KCNH7: variants seen among roughly 807,000 people sequenced by gnomAD.
KCNH7 encodes the protein potassium voltage-gated channel subfamily H member 7.
Under a neutral mutation model 120.8 loss-of-function variants are expected in KCNH7, and 49 were observed. The observed-to-expected ratio is 0.41, with a 90% CI of 0.32 to 0.51. The LOEUF is 0.51. Ranked by LOEUF, KCNH7 falls within the 20% of genes least tolerant of loss-of-function variation. The pLI, the probability that KCNH7 is intolerant of heterozygous loss-of-function variation, is 0.38. For missense variants in KCNH7, 1,097 were observed against 1,446.6 expected (o/e 0.76, Z 3.92); for synonymous variants, 547 against 516.1 (o/e 1.06, Z -0.81).
chr2:162,433,239 A>G (rs1352329074), intron 8 of KCNH7, among the ~76,000 whole-genome samples: 1 of 152,138 alleles, frequency 6.6e-6, no homozygotes, highest in Non-Finnish European at 1.5e-5. Context: ...TATTCCTACC[A>G]AACTACCAAT....
At chr2:162,512,940 A>C (rs920487987) in intron 4 of KCNH7, among the ~76,000 whole-genome samples, 6 of 151,852 alleles carry the variant, frequency 4.0e-5, no homozygotes, top group Non-Finnish European at 7.4e-5. Flanking sequence ...AGATTTTATA[A>C]TTATGACAGT....
intron 6 of KCNH7, among the ~76,000 whole-genome samples, chr2:162,458,632 A>G (rs1689050854): frequency 6.6e-6 from 1 of 152,206 alleles, no homozygotes; most frequent in Admixed American, 6.5e-5. Context: ...TAAGAGAAGG[A>G]ACACTTAGCA....
At chr2:162,838,403 G>A (rs375196305) in intron 1 of KCNH7, 40 bp downstream of exon 1, 13 of 1,541,558 alleles carry the variant, frequency 8.4e-6, no homozygotes, top group Middle Eastern at 1.7e-4. Context: ...CACTAACAAG[G>A]CAGAAAGCGA....
At chr2:162,687,678 A>G (rs1047925076) in intron 2 of KCNH7, among the ~76,000 whole-genome samples, 4 of 152,136 alleles carry the variant, frequency 2.6e-5, no homozygotes, top group African/African-American at 9.7e-5. Flanking sequence ...ATTGCTTGTT[A>G]GATATTTATT....
intron 2 of KCNH7, among the ~76,000 whole-genome samples, chr2:162,808,101 G>A (rs992436992): frequency 1.3e-5 from 2 of 152,112 alleles, no homozygotes; most frequent in African/African-American, 4.8e-5. Context: ...TATATAAAAT[G>A]GCATGATATT....
chr2:162,722,068 C>T (rs966837990), intron 2 of KCNH7, among the ~76,000 whole-genome samples: 9 of 151,874 alleles, frequency 5.9e-5, no homozygotes, highest in African/African-American at 1.5e-4. Flanking sequence ...TTCACTAGTA[C>T]GTATTACTAG....
chr2:162,657,796 A>G (rs1383651891), intron 2 of KCNH7, among the ~76,000 whole-genome samples: 1 of 152,140 alleles, frequency 6.6e-6, no homozygotes, highest in Non-Finnish European at 1.5e-5. Flanking sequence ...ATTTAGGTTT[A>G]CGATCTCCAC....
At chr2:162,480,657 A>T (rs1349329926) in intron 6 of KCNH7, among the ~76,000 whole-genome samples, 1 of 152,122 alleles carries the variant, frequency 6.6e-6, no homozygotes, top group Non-Finnish European at 1.5e-5. Context: ...TTTTATTATG[A>T]TGGGAACTGA....
intron 2 of KCNH7, among the ~76,000 whole-genome samples, chr2:162,588,294 TTA>T (rs1433118214): frequency 1.3e-5 from 2 of 152,146 alleles, no homozygotes; most frequent in Non-Finnish European, 2.9e-5. Flanking sequence ...AATTCAATTT[TTA>T]TGTTATCTTC....
chr2:162,701,696 C>T (rs1340642259), intron 2 of KCNH7, among the ~76,000 whole-genome samples: 8 of 152,074 alleles, frequency 5.3e-5, no homozygotes, highest in African/African-American at 1.7e-4. Flanking sequence ...ACTTTATAAA[C>T]ATTTAAGAGC....
intron 2 of KCNH7, among the ~76,000 whole-genome samples, chr2:162,829,792 C>T (rs1156503603): frequency 7.1e-6 from 1 of 140,960 alleles, no homozygotes; most frequent in Non-Finnish European, 1.5e-5. Context: ...AAAAAAAAAA[C>T]AAAGCATTAC....
At chr2:162,789,311 C>A (rs535745958) in intron 2 of KCNH7, among the ~76,000 whole-genome samples, 2 of 151,970 alleles carry the variant, frequency 1.3e-5, no homozygotes, top group East Asian at 1.9e-4. Flanking sequence ...TGGCCATCAT[C>A]ATTTGCTAAT....
chr2:162,615,456 C>G (rs1461812070), intron 2 of KCNH7, among the ~76,000 whole-genome samples: 1 of 152,134 alleles, frequency 6.6e-6, no homozygotes, highest in Non-Finnish European at 1.5e-5. Context: ...CAACTTAAAT[C>G]TAGCTAAGAT....
chr2:162,423,232 A>C (rs1199756614), intron 9 of KCNH7, 104 bp downstream of exon 9: 1 of 1,597,832 alleles, frequency 6.3e-7, no homozygotes, highest in East Asian at 2.2e-5. Context: ...GAGAGAAGAA[A>C]ACAAAAGCAA....
rs545649288 is a variant in KCNH7, at chr2:162,455,883, G to T, written c.1129-9440C>A. ...TCTATTTTGTTAATCCTTTCAAAAA[G>T]CCGGCTCCTGAATTCATTGATTTTT... On this transcript the variant is annotated intron_variant, in intron 6 of 15. Coordinates refer to ENST00000332142, the MANE Select transcript of KCNH7 (RefSeq NM_033272.4). 4.0e-5 allele frequency among the ~76,000 whole-genome samples: 6 copies of T among 151,834 alleles called. No homozygotes were observed. The South Asian group carries it at 8.3e-4, about 21-fold the overall frequency.
intron 2 of KCNH7, among the ~76,000 whole-genome samples, chr2:162,747,941 T>C (rs1688371078): frequency 6.6e-6 from 1 of 152,236 alleles, no homozygotes; most frequent in African/African-American, 2.4e-5. Context: ...TTCTGATTTT[T>C]TATTCTTGGC....
At chr2:162,585,342 T>C (rs1242320022) in intron 2 of KCNH7, among the ~76,000 whole-genome samples, 4 of 152,116 alleles carry the variant, frequency 2.6e-5, no homozygotes. Flanking sequence ...TTCATCTTTG[T>C]GTCTCTTCCA....
intron 6 of KCNH7, among the ~76,000 whole-genome samples, chr2:162,480,693 A>G (rs13022784): frequency 0.079 from 12,083 of 152,172 alleles, 646 homozygotes; most frequent in Non-Finnish European, 0.12. Flanking sequence ...AACAAACTCT[A>G]TTTATAATTT....
intron 2 of KCNH7, among the ~76,000 whole-genome samples, chr2:162,665,878 T>A (rs1051949315): frequency 9.9e-5 from 15 of 152,168 alleles, no homozygotes; most frequent in African/African-American, 3.6e-4. Flanking sequence ...TCTTCCTTAG[T>A]CTCATCAAAT....
Sources: gnomAD v4.1 joint callset for allele counts (sites outside exome capture counted in the v4.1 genomes callset) on GRCh38, gnomAD v4.1.1 for gene constraint, MANE v1.5 for transcripts, NCBI Gene and HGNC (gene_info 2026-07-23, HGNC 2026-07-21) for gene names.